Variants in PIP4K2B observed in about 807,000 individuals in gnomAD.
The protein encoded by PIP4K2B is phosphatidylinositol-5-phosphate 4-kinase type 2 beta, also known as phosphatidylinositol 5-phosphate 4-kinase type-2 beta.
A neutral mutation model predicts 42.0 loss-of-function variants in PIP4K2B; 3 were observed. That is an observed-to-expected ratio of 0.07 (90% CI 0.03 to 0.18). The LOEUF is 0.18. Ranked by LOEUF, PIP4K2B falls within the 10% of genes least tolerant of loss-of-function variation. PIP4K2B has a pLI of 1.00. For missense variants in PIP4K2B, 332 were observed against 562.3 expected, an observed-to-expected ratio of 0.59 and a Z score of 4.14; for synonymous variants, 204 against 210.1, an observed-to-expected ratio of 0.97 and a Z score of 0.25.
At chr17:38,769,832 A>G in intron 9 of PIP4K2B, 61 bp from the exon 10 acceptor site, 1 of 1,489,718 alleles carries the variant, frequency 6.7e-7, no homozygotes, top group Non-Finnish European at 9.4e-7. Flanking sequence ...GAGGCTGCAC[A>G]TGGGGGGAGC....
intron 3 of PIP4K2B, among the ~76,000 whole-genome samples, 154 bp from the exon 4 acceptor site, chr17:38,780,758 G>A (rs1909661090): frequency 6.6e-6 from 1 of 152,024 alleles, no homozygotes; most frequent in Non-Finnish European, 1.5e-5. Context: ...TTTCTCACAG[G>A]GTGTTCACAT....
At chr17:38,780,643 G>C (rs752061435) in intron 3 of PIP4K2B, 39 bp from the exon 4 acceptor site, 1 of 1,592,892 alleles carries the variant, frequency 6.3e-7, no homozygotes, top group Non-Finnish European at 8.6e-7. Flanking sequence ...CTTGGCAGGG[G>C]AACAGAATTC....
chr17:38,776,177 T>C (rs1192720961), intron 7 of PIP4K2B: 5 of 346,556 alleles, frequency 1.4e-5, no homozygotes, highest in Non-Finnish European at 2.8e-5. Context: ...TCCATGTTGG[T>C]CAGGCTGGTC....
intron 1 of PIP4K2B, 126 bp from the exon 2 acceptor site, chr17:38,787,046 G>GT (rs902077135): frequency 1.0e-4 from 73 of 726,208 alleles, no homozygotes; most frequent in African/African-American, 7.4e-4. Context: ...GTCTTTTTTT[G>GT]TTTTTTTGAG....
At chr17:38,786,434 G>A (rs1030977119) in intron 2 of PIP4K2B, among the ~76,000 whole-genome samples, 11 of 152,134 alleles carry the variant, frequency 7.2e-5, no homozygotes, top group Non-Finnish European at 1.5e-4. Context: ...AGAGCCTGGC[G>A]GCATCCCAGA....
intron 7 of PIP4K2B, among the ~76,000 whole-genome samples, chr17:38,774,414 T>C (rs770653290): frequency 3.9e-4 from 60 of 152,310 alleles, no homozygotes; most frequent in Non-Finnish European, 8.7e-4. Context: ...CTCCTGGGCC[T>C]CCGGCTTGCT....
chr17:38,770,272 T>C (rs1052220229), intron 9 of PIP4K2B, among the ~76,000 whole-genome samples, 164 bp downstream of exon 9: 2 of 152,040 alleles, frequency 1.3e-5, no homozygotes, highest in Non-Finnish European at 2.9e-5. Flanking sequence ...GCAGGGAACA[T>C]GGCAAGGCAG....
chr17:38,779,242 T>C, intron 5 of PIP4K2B, 141 bp downstream of exon 5: 2 of 773,106 alleles, frequency 2.6e-6, no homozygotes, highest in Admixed American at 4.6e-5. Context: ...TCCACAAGAA[T>C]CAGGCATATC....
Position 38,799,413 on chromosome 17 carries a change from G to C in PIP4K2B, c.12C>G (p.Asn4Lys). The change falls in exon 1 of 10, where the codon AAC becomes AAG. Residue 4 changes from asparagine (N) to lysine (K), a missense_variant. This residue lies in a region of PIP4K2B where 186 missense variants were observed against 288.4 expected (regional missense o/e 0.64). Transcript: ENST00000619039. The surrounding 1 kb of genome is among the most constrained non-coding windows in gnomAD (Gnocchi z 4.4). MSSNCTSTTAVAVA... is the reference protein window; with the variant it reads MSSKCTSTTAVAVA... ...CCGCCACCGCCGTGGTGCTGGTGCA[G>C]TTGGACGACATGCCCGGGGCGGCGG... 1.3e-6 allele frequency: 2 copies of C among 1,597,978 alleles called. No individual in the cohort carries two copies. Among genetic ancestry groups the C allele is most frequent in the Non-Finnish European group, 1.7e-6 (2 of 1,175,800 alleles).
chr17:38,779,565 A>G, intron 4 of PIP4K2B, 36 bp from the exon 5 acceptor site: 1 of 1,593,474 alleles, frequency 6.3e-7, no homozygotes. Context: ...GGACTAAGGA[A>G]CAGGCAGTGC....
intron 1 of PIP4K2B, among the ~76,000 whole-genome samples, chr17:38,791,818 A>G (rs62076865): frequency 0.94 from 142,385 of 150,736 alleles, 67,296 homozygotes; most frequent in East Asian, 1. Flanking sequence ...AGCTGGGCGT[A>G]GTGGCTCACG....
At chr17:38,776,714 AGTTT>A (rs1909377744) in intron 7 of PIP4K2B, 4 of 381,452 alleles carry the variant, frequency 1.0e-5, no homozygotes, top group South Asian at 2.0e-5. Flanking sequence ...TTTTTTCCCA[AGTTT>A]GTTTGTAGGA....
intron 7 of PIP4K2B, among the ~76,000 whole-genome samples, chr17:38,777,114 G>T (rs779265487): frequency 2.6e-5 from 4 of 152,294 alleles, no homozygotes; most frequent in Admixed American, 6.5e-5. Flanking sequence ...GCCCAGGCTG[G>T]AGTGTAGTGG....
At chr17:38,794,609 T>TAAAAA (rs34374571) in intron 1 of PIP4K2B, among the ~76,000 whole-genome samples, 15 of 34,220 alleles carry the variant, frequency 4.4e-4, no homozygotes, top group Admixed American at 8.4e-4. Context: ...CCCAATTCAT[T>TAAAAA]AAAAAAAAAA....
chr17:38,781,386 T>C (rs1443257633), intron 3 of PIP4K2B, among the ~76,000 whole-genome samples: 1 of 152,030 alleles, frequency 6.6e-6, no homozygotes. Context: ...ACCAAGCAGA[T>C]GCCAAGGGAC....
rs1909447144 is a variant in PIP4K2B, at chr17:38,777,803, A to G, written c.694-3T>C. 1 of 1,607,832 alleles carries G rather than the reference A, an allele frequency of 6.2e-7. No homozygotes were observed. The highest frequency in any genetic ancestry group is 8.5e-7 in the Non-Finnish European group (1 of 1,174,354). ...TTGAATGTTGGCAAGTCCTTGGCCT[A>G]GGAGAGCAACAGCAGTTAGGCTGGG... is the stretch of plus-strand genomic sequence containing the variant. On this transcript the variant is annotated splice_region_variant and splice_polypyrimidine_tract_variant and intron_variant, in intron 6 of 9. Coordinates refer to ENST00000619039, the MANE Select transcript of PIP4K2B (RefSeq NM_003559.5).
chr17:38,770,380 G>T, intron 9 of PIP4K2B, 56 bp downstream of exon 9: 3 of 1,035,316 alleles, frequency 2.9e-6, no homozygotes, highest in Non-Finnish European at 4.5e-6. Flanking sequence ...GGGTCTGAGG[G>T]TAAGCACAGA....
Position 38,784,255 on chromosome 17 carries a change from A to G in PIP4K2B, c.342T>C (p.Asp114=), listed in dbSNP as rs751140559. 6.2e-7 allele frequency: 1 copy of G among 1,607,992 alleles called. No individual in the cohort carries two copies. The highest frequency in any genetic ancestry group is 8.5e-7 in the Non-Finnish European group (1 of 1,174,408). The change falls in exon 3 of 10, where the codon GAT becomes GAC. Residue 114 remains aspartate, a synonymous_variant. Transcript: ENST00000619039. ...GGAGCCTCCATACCTGGTAATCCTGATCATCAATTCCAAACCTCTCCCGAA... is the reference window on the plus strand; with the variant it reads ...GGAGCCTCCATACCTGGTAATCCTGGTCATCAATTCCAAACCTCTCCCGAA... The part of the protein sequence containing the change: ...RNLRERFGID[D]QDYQNSVTRS...
At position 38,784,244 on chromosome 17, in the gene PIP4K2B, TG is replaced by T; in HGVS notation, c.352del (p.Gln118ArgfsTer4). ...TGATGTTGCCAGGAGCCTCCATACC[TG>T]GTAATCCTGATCATCAATTCCAAAC... ...ERFGIDDQDY[Q>X]NSVTRSAPIN... On this transcript the variant is annotated frameshift_variant and splice_region_variant, in exon 3 of 10. Transcript: ENST00000619039. LOFTEE classifies it high-confidence loss of function. 1 of 1,593,418 alleles carries T rather than the reference TG, an allele frequency of 6.3e-7. No homozygotes were observed. Among genetic ancestry groups the T allele is most frequent in the Non-Finnish European group, 8.6e-7 (1 of 1,161,164 alleles).
Sources: allele counts gnomAD v4.1 joint callset (sites outside exome capture counted in the v4.1 genomes callset), GRCh38; gene constraint gnomAD v4.1.1; regional missense constraint gnomAD v4.1.1; non-coding constraint Gnocchi (gnomAD v3.1); transcripts MANE v1.5; gene names NCBI Gene and HGNC (gene_info 2026-07-23, HGNC 2026-07-21).